Variants in SPINK8 observed in about 807,000 individuals in gnomAD.
SPINK8 encodes the protein serine peptidase inhibitor Kazal type 8 (putative).
SPINK8 carries 12 observed loss-of-function variants against 14.4 expected under a neutral mutation model. The observed-to-expected ratio is 0.83, with a 90% CI of 0.53 to 1.35. The LOEUF is 1.35. Among genes scored for constraint, SPINK8 ranks in the 40% most tolerant of loss-of-function variants. The pLI, the probability that SPINK8 is intolerant of heterozygous loss-of-function variation, is 0.00. For missense variants in SPINK8, 103 were observed against 117.0 expected, an observed-to-expected ratio of 0.88 and a Z score of 0.55; for synonymous variants, 32 against 37.6, an observed-to-expected ratio of 0.85 and a Z score of 0.55.
chr3:48,329,417 C>G (rs571650841), intron 2 of SPINK8, among the ~76,000 whole-genome samples, 143 bp from the exon 3 acceptor site: 9 of 152,304 alleles, frequency 5.9e-5, no homozygotes, highest in African/African-American at 2.2e-4. Context: ...CTGTCCAGTA[C>G]TACTCCCAAA....
intron 6 of SPINK8, among the ~76,000 whole-genome samples, chr3:48,310,413 A>G (rs2035909909): frequency 6.6e-6 from 1 of 152,164 alleles, no homozygotes; most frequent in Non-Finnish European, 1.5e-5. Flanking sequence ...CAGACCTATG[A>G]CAAGTAAAGA....
In SPINK8 at chr3:48,310,022, T is replaced by C. The variant is rs999688478; in HGVS notation, c.240-76A>G. 6.2e-6 allele frequency: 8 copies of C among 1,283,424 alleles called. No individual in the cohort carries two copies. In the Admixed American group the frequency reaches 1.7e-4, roughly 27 times the overall value. 79.5% of individuals were successfully genotyped at this position (1,283,424 alleles called of 1,614,324 possible). A position where few individuals can be genotyped will look rare whatever the true frequency, so the allele number is the denominator to read the frequency against. On this transcript the variant is annotated intron_variant, in intron 6 of 7. Coordinates refer to ENST00000434006, the MANE Select transcript of SPINK8 (RefSeq NM_001080525.3). ...ATTCTGACTAAATTTTACTTGATAA[T>C]CTTTGGCTAAGTTTGGGAAATAAAC...
chr3:48,315,445 G>A (rs966677942), intron 6 of SPINK8, among the ~76,000 whole-genome samples: 1 of 152,128 alleles, frequency 6.6e-6, no homozygotes, highest in African/African-American at 2.4e-5. Flanking sequence ...ACTGGGCCGG[G>A]TGTGGTGGCT....
At position 48,332,686 on chromosome 3, in the gene SPINK8, C is replaced by T. The variant is rs1171319612; in HGVS notation, c.-241-215G>A. ...CCTATCATTGACCTGACTGAGATAC[C>T]AGAGATTGCCAAACTCTTGGGCTGC... On this transcript the variant is annotated intron_variant, in intron 1 of 7. Transcript: ENST00000434006. Among the ~76,000 whole-genome samples, 8 of 152,242 alleles carry T rather than the reference C, an allele frequency of 5.3e-5. 1 individual carries two copies. The highest frequency in any genetic ancestry group is 5.2e-4 in the Admixed American group (8 of 15,290).
At chr3:48,327,405 G>A (rs2036160664) in intron 4 of SPINK8, among the ~76,000 whole-genome samples, 1 of 152,150 alleles carries the variant, frequency 6.6e-6, no homozygotes, top group Admixed American at 6.5e-5. Flanking sequence ...AAAATATAAG[G>A]CCATACAACT....
intron 1 of SPINK8, among the ~76,000 whole-genome samples, 107 bp downstream of exon 1, chr3:48,333,428 T>G (rs1422200878): frequency 6.6e-6 from 1 of 152,178 alleles, no homozygotes; most frequent in Non-Finnish European, 1.5e-5. Flanking sequence ...CTAGTCATTT[T>G]CTGATGAGCA....
chr3:48,327,387 T>C (rs1229668573), intron 4 of SPINK8, among the ~76,000 whole-genome samples: 1 of 152,174 alleles, frequency 6.6e-6, no homozygotes, highest in Non-Finnish European at 1.5e-5. Context: ...AGAAATAGGT[T>C]TGAGGCAAAA....
At chr3:48,317,986 T>G (rs1228569910) in intron 6 of SPINK8, among the ~76,000 whole-genome samples, 1 of 152,172 alleles carries the variant, frequency 6.6e-6, no homozygotes, top group Admixed American at 6.5e-5. Context: ...GCAATCCTTC[T>G]GCCTCAGCTT....
intron 2 of SPINK8, among the ~76,000 whole-genome samples, chr3:48,329,982 A>AT (rs898820240): frequency 1.3e-5 from 2 of 152,194 alleles, no homozygotes; most frequent in African/African-American, 4.8e-5. Flanking sequence ...AAACGCTAAC[A>AT]TTTTTTAAAG....
At chr3:48,317,568 T>C (rs1410266776) in intron 6 of SPINK8, among the ~76,000 whole-genome samples, 8 of 152,062 alleles carry the variant, frequency 5.3e-5, no homozygotes, top group African/African-American at 7.2e-5. Context: ...CAGGCTGGAG[T>C]GCAGTGGCGC....
rs1363311354 is a variant in SPINK8 at position 48,319,595 on chromosome 3, A to C, written c.141T>G (p.Asn47Lys). 6.2e-7 allele frequency: 1 copy of C among 1,613,934 alleles called. No homozygotes were observed. Residue 47 changes from asparagine (N) to lysine (K), a missense_variant, in exon 6 of 8, where the codon AAT (asparagine) becomes AAG (lysine). Transcript: ENST00000434006. ...KTIVECLKNV[N>K]KCWFLSYIKP... ...TGATGTAGGATAAAAACCAGCACTTATTTACATTCTTGAGGCATTCAACCT... is the reference window on the plus strand; with the variant it reads ...TGATGTAGGATAAAAACCAGCACTTCTTTACATTCTTGAGGCATTCAACCT...
chr3:48,332,030 TGATACCCTTGAAATAA>T (rs1247078786), intron 2 of SPINK8, among the ~76,000 whole-genome samples: 1 of 152,214 alleles, frequency 6.6e-6, no homozygotes, highest in African/African-American at 2.4e-5. Context: ...GGCCTTCCAG[TGATACCCTTGAAATAA>T]GGGGCATGGA....
rs191610122 is a variant in SPINK8, at chr3:48,307,153, T to C, written c.283-150A>G. The C allele has an allele frequency of 7.5e-4, 598 of 793,352 alleles. 5 individuals are homozygous for C. In the Admixed American group the frequency reaches 0.014, roughly 18 times the overall value. The allele number at this position is 793,352 out of a possible 1,614,324, so 49.1% of individuals were successfully genotyped here. On this transcript the variant is annotated intron_variant, in intron 7 of 7. Coordinates refer to ENST00000434006, the MANE Select transcript of SPINK8 (RefSeq NM_001080525.3). ...CAGGTTAGAGACATTCTAATTTCAC[T>C]GGAGAAGGAAAAAGCAGAGTGAAAG... is the stretch of plus-strand genomic sequence containing the variant.
chr3:48,311,726 AAAAT>A (rs2035926384), intron 6 of SPINK8, among the ~76,000 whole-genome samples: 1 of 152,224 alleles, frequency 6.6e-6, no homozygotes, highest in Non-Finnish European at 1.5e-5. Context: ...GAAACTGCTG[AAAAT>A]AAATAAAGAA....
chr3:48,319,435 C>G, intron 6 of SPINK8, 62 bp downstream of exon 6: 1 of 1,596,966 alleles, frequency 6.3e-7, no homozygotes, highest in Non-Finnish European at 8.6e-7. Flanking sequence ...AGGTCATCAC[C>G]CTCTTTTGAC....
At chr3:48,315,895 AAT>A (rs2035985136) in intron 6 of SPINK8, among the ~76,000 whole-genome samples, 1 of 152,150 alleles carries the variant, frequency 6.6e-6, no homozygotes, top group South Asian at 2.1e-4. Flanking sequence ...AATGACCTAG[AAT>A]GAAAAATTCC....
At chr3:48,316,452 A>C (rs1038052235) in intron 6 of SPINK8, 2 of 155,514 alleles carry the variant, frequency 1.3e-5, no homozygotes, top group African/African-American at 4.8e-5. Flanking sequence ...AAGCAGTGGG[A>C]TGACAGTCAA....
At chr3:48,316,047 C>G (rs1362562711) in intron 6 of SPINK8, among the ~76,000 whole-genome samples, 1 of 151,938 alleles carries the variant, frequency 6.6e-6, no homozygotes, top group Non-Finnish European at 1.5e-5. Context: ...GGTTAAAATG[C>G]CTCACATAAC....
Position 48,332,419 on chromosome 3 carries a change from C to G in SPINK8, c.-189G>C, listed in dbSNP as rs2036277156. Reference sequence around the variant, plus strand: ...TCCAGATGACAGAGAGGTATGCTTCCTCAATGCCTCCCTTAGTCTCTCCAG... The same window carrying G: ...TCCAGATGACAGAGAGGTATGCTTCGTCAATGCCTCCCTTAGTCTCTCCAG... On this transcript the variant is annotated 5_prime_UTR_variant, in exon 2 of 8. Coordinates refer to ENST00000434006, the MANE Select transcript of SPINK8 (RefSeq NM_001080525.3). Among the ~76,000 whole-genome samples, 1 of 152,210 alleles carries G rather than the reference C, an allele frequency of 6.6e-6. No individual in the cohort carries two copies. Among genetic ancestry groups the G allele is most frequent in the African/African-American group, 2.4e-5 (1 of 41,446 alleles).
Sources: gnomAD v4.1 joint callset for allele counts (sites outside exome capture counted in the v4.1 genomes callset) on GRCh38, gnomAD v4.1.1 for gene constraint, MANE v1.5 for transcripts, NCBI Gene and HGNC (gene_info 2026-07-23, HGNC 2026-07-21) for gene names.